Variants in PCDHA8 observed in about 807,000 individuals in gnomAD.
PCDHA8 encodes the protein protocadherin alpha 8, also known as protocadherin alpha-8.
Under a neutral mutation model 61.8 loss-of-function variants are expected in PCDHA8, and 53 were observed. The ratio of observed to expected loss-of-function variants is 0.86; its 90% CI spans 0.69 to 1.08. PCDHA8 has a LOEUF of 1.08. Ranked by LOEUF, PCDHA8 falls within the 50% of genes least tolerant of loss-of-function variation. PCDHA8 has a pLI of 0.00. For missense variants in PCDHA8, 1,293 were observed against 1,245.0 expected (o/e 1.04, Z -0.58); for synonymous variants, 618 against 556.6 (o/e 1.11, Z -1.55).
intron 3 of PCDHA8, 167 bp from the exon 4 acceptor site, chr5:141,009,460 T>C (rs1375350735): frequency 3.2e-6 from 3 of 950,276 alleles, no homozygotes; most frequent in African/African-American, 1.8e-5. Flanking sequence ...ATTAAACAAA[T>C]AAATAAATAA....
chr5:140,926,585 G>T, intron 1 of PCDHA8: 1 of 283,896 alleles, frequency 3.5e-6, no homozygotes, highest in Non-Finnish European at 6.5e-6. Flanking sequence ...CACCTCTCGC[G>T]CCCGGGCGGG....
At chr5:140,884,390 T>C in intron 1 of PCDHA8, 7 of 1,613,968 alleles carry the variant, frequency 4.3e-6, no homozygotes, top group Middle Eastern at 1.6e-4. Context: ...CTGCGCGGTG[T>C]CCAGCCTGTT....
Position 141,009,778 on chromosome 5 carries a change from C to T in PCDHA8, c.2694C>T (p.Ser898=). Residue 898 remains serine, a synonymous_variant, in exon 4 of 4, where the codon TCC becomes TCT. Transcript: ENST00000531613. ...FIIPGSPAII[S]IRQEPTNSQI... ...TCCCAGGATCTCCTGCAATCATCTCCATCCGGCAGGAGCCTACTAACAGCC... is the reference window on the plus strand; with the variant it reads ...TCCCAGGATCTCCTGCAATCATCTCTATCCGGCAGGAGCCTACTAACAGCC... 1.2e-6 allele frequency: 2 copies of T among 1,614,122 alleles called. No homozygotes were observed.
intron 1 of PCDHA8, chr5:140,926,589 G>A: frequency 3.4e-6 from 1 of 292,780 alleles, no homozygotes; most frequent in Non-Finnish European, 6.2e-6. Context: ...TCTCGCGCCC[G>A]GGCGGGCGGC....
At position 140,877,671 on chromosome 5, in the gene PCDHA8, G is replaced by T. The variant is rs138162923; in HGVS notation, c.2394+33956G>T. 2.5e-6 allele frequency: 4 copies of T among 1,613,620 alleles called. No individual in the cohort carries two copies. The South Asian group carries it at 3.3e-5, about 13-fold the overall frequency. On this transcript the variant is annotated intron_variant, in intron 1 of 3. Coordinates refer to ENST00000531613, the MANE Select transcript of PCDHA8 (RefSeq NM_018911.3). ...CGCCGCCCACCGTGAGCCGGTGCGC[G>T]CCGGGCAAGCCCACGCTGGTGTGCT...
At chr5:140,857,215 G>A in intron 1 of PCDHA8, 1 of 1,598,474 alleles carries the variant, frequency 6.3e-7, no homozygotes. Flanking sequence ...GCTCTCTGAC[G>A]CCTCACGTTC....
At chr5:140,991,682 C>G (rs1234700322) in intron 3 of PCDHA8, among the ~76,000 whole-genome samples, 2 of 152,170 alleles carry the variant, frequency 1.3e-5, no homozygotes, top group Non-Finnish European at 2.9e-5. Context: ...TCTGAGTCCT[C>G]TCTAGTAGAG....
intron 1 of PCDHA8, chr5:140,929,554 C>A (rs899446101): frequency 6.1e-6 from 3 of 488,410 alleles, no homozygotes; most frequent in African/African-American, 4.0e-5. Flanking sequence ...AAAATTAAAA[C>A]CTATTTAAGA....
chr5:140,983,059 C>A (rs1325414567), intron 3 of PCDHA8, among the ~76,000 whole-genome samples: 3 of 151,980 alleles, frequency 2.0e-5, no homozygotes, highest in Non-Finnish European at 4.4e-5. Flanking sequence ...TTATCGGAAC[C>A]AAGGCATTGT....
At chr5:140,975,330 A>G (rs563974651) in intron 1 of PCDHA8, among the ~76,000 whole-genome samples, 1 of 152,320 alleles carries the variant, frequency 6.6e-6, no homozygotes, top group African/African-American at 2.4e-5. Flanking sequence ...CATCCAGATG[A>G]TCTCCCTTTC....
intron 1 of PCDHA8, among the ~76,000 whole-genome samples, chr5:140,905,145 T>C (rs1264141592): frequency 1.3e-5 from 2 of 152,252 alleles, no homozygotes; most frequent in African/African-American, 4.8e-5. Context: ...TCTGCTGTTA[T>C]ATTTTAGAAT....
At chr5:140,910,451 G>A (rs2075030507) in intron 1 of PCDHA8, among the ~76,000 whole-genome samples, 1 of 152,190 alleles carries the variant, frequency 6.6e-6, no homozygotes. Flanking sequence ...GTAGTTGAGT[G>A]ACTGTGGTTC....
In PCDHA8 at chr5:140,841,326, A is replaced by G. The variant is rs2150313603; in HGVS notation, c.5A>G (p.Asp2Gly). The change falls in exon 1 of 4, where the codon GAT (aspartate) becomes GGT (glycine). Residue 2 changes from aspartate to glycine, a missense_variant. By Grantham distance (94) the Asp-to-Gly change is moderately conservative (BLOSUM62 -1). Coordinates refer to ENST00000531613, the MANE Select transcript of PCDHA8 (RefSeq NM_018911.3). M[D>G]YHWRGELGSW... ...GATAGGAAACGACTATTTAACATGG[A>G]TTATCACTGGCGAGGAGAGCTGGGA... is the stretch of plus-strand genomic sequence containing the variant. 1.2e-6 allele frequency: 2 copies of G among 1,607,682 alleles called. No homozygotes were observed. The highest frequency in any genetic ancestry group is 2.2e-5 in the South Asian group (2 of 90,634).
intron 1 of PCDHA8, chr5:140,848,676 C>T: frequency 6.3e-7 from 1 of 1,592,292 alleles, no homozygotes; most frequent in South Asian, 1.1e-5. Flanking sequence ...GGAGCTGGTG[C>T]CGCGCCTGTT....
chr5:140,953,045 C>A (rs1414124229), intron 1 of PCDHA8, among the ~76,000 whole-genome samples: 2 of 152,288 alleles, frequency 1.3e-5, no homozygotes, highest in Admixed American at 6.5e-5. Flanking sequence ...CCCCATGATC[C>A]AATCACCTCT....
intron 1 of PCDHA8, among the ~76,000 whole-genome samples, chr5:140,878,373 T>G (rs944129613): frequency 2.2e-4 from 34 of 152,258 alleles, no homozygotes; most frequent in African/African-American, 8.0e-4. Flanking sequence ...TGACATATGA[T>G]GAATGATTTT....
chr5:140,843,708 G>A lies in PCDHA8; in HGVS notation c.2387G>A (p.Gly796Asp). 6.3e-7 allele frequency: 1 copy of A among 1,577,200 alleles called. No individual in the cohort carries two copies. The highest frequency in any genetic ancestry group is 1.1e-5 in the South Asian group (1 of 89,964). Reference sequence around the variant, plus strand: ...GAGCAAGATTTAAATGTTGATCATGGCCTCAAAGTAAGTCCATTTAAATTT... The same window carrying A: ...GAGCAAGATTTAAATGTTGATCATGACCTCAAAGTAAGTCCATTTAAATTT... ...GEEQDLNVDH[G>D]LKPRQPNPDW... Residue 796 changes from glycine to aspartate, a missense_variant, in exon 1 of 4, where the codon GGC (glycine) becomes GAC (aspartate). Physicochemically the swap from Gly to Asp is moderately conservative, Grantham distance 94. Coordinates refer to ENST00000531613, the MANE Select transcript of PCDHA8 (RefSeq NM_018911.3).
intron 1 of PCDHA8, 194 bp downstream of exon 1, chr5:140,843,909 G>T: frequency 8.0e-6 from 5 of 623,976 alleles, no homozygotes; most frequent in Non-Finnish European, 1.4e-5. Context: ...CCACAAGTTG[G>T]GTCTATCTTG....
At chr5:140,944,792 G>C (rs1411963111) in intron 1 of PCDHA8, among the ~76,000 whole-genome samples, 3 of 152,138 alleles carry the variant, frequency 2.0e-5, no homozygotes, top group African/African-American at 7.2e-5. Context: ...TATTTTACAA[G>C]TCTGTCGAGG....
Sources: allele counts gnomAD v4.1 joint callset (sites outside exome capture counted in the v4.1 genomes callset), GRCh38; gene constraint gnomAD v4.1.1; transcripts MANE v1.5; gene names NCBI Gene and HGNC (gene_info 2026-07-23, HGNC 2026-07-21).